Variants in CNOT1 observed in about 807,000 individuals in gnomAD.
The protein encoded by CNOT1 is CCR4-associated factor 1.
CNOT1 carries 15 observed loss-of-function variants against 273.8 expected under a neutral mutation model. The ratio of observed to expected loss-of-function variants is 0.05; its 90% CI spans 0.04 to 0.08. The LOEUF is 0.08. CNOT1 is among the 10% of genes least tolerant of loss of function. The pLI, the probability that CNOT1 is intolerant of heterozygous loss-of-function variation, is 1.00. For missense variants in CNOT1, 1,644 were observed against 2,912.2 expected (o/e 0.56, Z 10.02); for synonymous variants, 1,022 against 1,005.5 (o/e 1.02, Z -0.31).
chr16:58,551,862 A>G, intron 22 of CNOT1, 43 bp from the exon 23 acceptor site: 1 of 1,607,890 alleles, frequency 6.2e-7, no homozygotes, highest in East Asian at 2.2e-5. Context: ...CTTAATTGCT[A>G]AGTCTGGATT....
intron 1 of CNOT1, among the ~76,000 whole-genome samples, chr16:58,622,601 C>A (rs1030714718): frequency 6.6e-6 from 1 of 152,036 alleles, no homozygotes; most frequent in Non-Finnish European, 1.5e-5. Flanking sequence ...AATCCCAACA[C>A]TTTGGGAGGC....
chr16:58,549,999 A>G, intron 24 of CNOT1, 101 bp from the exon 25 acceptor site: 2 of 1,518,660 alleles, frequency 1.3e-6, no homozygotes, highest in South Asian at 2.6e-5. Context: ...TCCTTGCAAA[A>G]CTAACTAGAT....
At chr16:58,602,139 G>A (rs2042489321) in intron 1 of CNOT1, among the ~76,000 whole-genome samples, 2 of 151,836 alleles carry the variant, frequency 1.3e-5, no homozygotes, top group African/African-American at 2.4e-5. Context: ...CACAATCTTG[G>A]CTCACTGCAA....
At position 58,547,452 on chromosome 16, in the gene CNOT1, G is replaced by A. The variant is rs183137899; in HGVS notation, c.3639+114C>T. 122 of 1,502,204 alleles carry A rather than the reference G, an allele frequency of 8.1e-5. 1 individual carries two copies. In the East Asian group the frequency reaches 1.6e-3, roughly 20 times the overall value. The allele number at this position is 1,502,204 out of a possible 1,614,324, so 93.1% of individuals were successfully genotyped here. A position where few individuals can be genotyped will look rare whatever the true frequency, so the allele number is the denominator to read the frequency against. On this transcript the variant is annotated intron_variant, in intron 26 of 48. Coordinates refer to ENST00000317147, the MANE Select transcript of CNOT1 (RefSeq NM_016284.5). The surrounding 1 kb of genome is among the most constrained non-coding windows in gnomAD (Gnocchi z 4.0). Reference sequence around the variant, plus strand: ...CAAAAAGGGGTTAACAACTCAAAACGTGGGCCAAAATCTTACAAAACCCCA... The same window carrying A: ...CAAAAAGGGGTTAACAACTCAAAACATGGGCCAAAATCTTACAAAACCCCA...
At chr16:58,558,337 G>T in intron 18 of CNOT1, 136 bp downstream of exon 18, 1 of 1,421,262 alleles carries the variant, frequency 7.0e-7, no homozygotes, top group Non-Finnish European at 9.4e-7. Context: ...TCCCAACTTT[G>T]GATACTGAAG....
intron 47 of CNOT1, 148 bp downstream of exon 47, chr16:58,523,222 G>A (rs1348467006): frequency 2.7e-6 from 2 of 743,386 alleles, no homozygotes; most frequent in Middle Eastern, 4.0e-4. Flanking sequence ...TGCAGACTGA[G>A]TGACAGAGCA....
At chr16:58,548,420 G>C in intron 25 of CNOT1, 1 of 456,472 alleles carries the variant, frequency 2.2e-6, no homozygotes. Flanking sequence ...ACATGGTCTT[G>C]AAACTTTGCT....
Position 58,614,712 on chromosome 16 carries a change from T to C in CNOT1, c.-175+15016A>G, listed in dbSNP as rs2043015979. Among the ~76,000 whole-genome samples, 4 of 125,038 alleles carry C rather than the reference T, an allele frequency of 3.2e-5. 1 individual carries two copies. The highest frequency in any genetic ancestry group is 1.1e-4 in the African/African-American group (4 of 37,114). The allele number at this position is 125,038 out of a possible 152,430, so 82.0% of individuals were successfully genotyped here. On this transcript the variant is annotated intron_variant, in intron 1 of 48. Transcript: ENST00000317147. ...TTTGCTATAGAAAAACACTTTTTAT[T>C]GTATTTTATTTTTTTGAGACGGGGT...
At chr16:58,587,742 GGA>G (rs752779944) in intron 4 of CNOT1, 36 bp downstream of exon 4, 65 of 1,599,796 alleles carry the variant, frequency 4.1e-5, no homozygotes, top group Non-Finnish European at 5.3e-5. Flanking sequence ...GAAAGCCTAA[GGA>G]GAGATCACAC....
At chr16:58,524,119 G>A (rs1471616421) in intron 46 of CNOT1, among the ~76,000 whole-genome samples, 10 of 151,770 alleles carry the variant, frequency 6.6e-5, no homozygotes, top group Non-Finnish European at 1.0e-4. Flanking sequence ...GCATGGTGGC[G>A]TGTGCCTGTA....
intron 22 of CNOT1, 89 bp downstream of exon 22, chr16:58,553,693 T>C (rs2040531967): frequency 1.4e-6 from 2 of 1,434,810 alleles, no homozygotes; most frequent in Non-Finnish European, 9.2e-7. Flanking sequence ...CTTAATGCCA[T>C]TACTATCAAG....
chr16:58,556,064 T>C (rs2040618960), intron 19 of CNOT1, among the ~76,000 whole-genome samples, 156 bp from the exon 20 acceptor site: 1 of 152,224 alleles, frequency 6.6e-6, no homozygotes, highest in African/African-American at 2.4e-5. Flanking sequence ...TATTAATGTG[T>C]GCTAGGGTAG....
At position 58,551,275 on chromosome 16, in the gene CNOT1, A is replaced by T. The variant is rs756715450; in HGVS notation, c.3202-3T>A. The T allele has an allele frequency of 2.4e-5, 10 of 416,946 alleles. No individual in the cohort carries two copies. Among genetic ancestry groups the T allele is most frequent in the Non-Finnish European group, 3.3e-5 (9 of 275,358 alleles). 25.8% of individuals were successfully genotyped at this position (416,946 alleles called of 1,614,324 possible). A position where few individuals can be genotyped will look rare whatever the true frequency, so the allele number is the denominator to read the frequency against. On this transcript the variant is annotated splice_region_variant and splice_polypyrimidine_tract_variant and intron_variant, in intron 23 of 48. Coordinates refer to ENST00000317147, the MANE Select transcript of CNOT1 (RefSeq NM_016284.5). ...ATATTTGTAGTATTAATAGAAGGCT[A>T]AAAAAAAAAAATAAAGTACATAAGG...
At chr16:58,544,226 A>G (rs2040185287) in intron 30 of CNOT1, among the ~76,000 whole-genome samples, 1 of 152,222 alleles carries the variant, frequency 6.6e-6, no homozygotes, top group African/African-American at 2.4e-5. Flanking sequence ...AGTGCTCTTA[A>G]AAGAAAGCAA....
intron 16 of CNOT1, among the ~76,000 whole-genome samples, chr16:58,573,061 C>G (rs1278092431): frequency 1.3e-5 from 2 of 151,840 alleles, no homozygotes; most frequent in Non-Finnish European, 2.9e-5. Context: ...AAGCCCAGCA[C>G]TTTGGGAGGC....
At chr16:58,621,522 C>G (rs2043315404) in intron 1 of CNOT1, among the ~76,000 whole-genome samples, 1 of 151,696 alleles carries the variant, frequency 6.6e-6, no homozygotes, top group African/African-American at 2.4e-5. Context: ...ATCCGCCCGC[C>G]TCGGCCTCCC....
At chr16:58,600,642 G>A (rs12925777) in intron 1 of CNOT1, among the ~76,000 whole-genome samples, 59,359 of 152,072 alleles carry the variant, frequency 0.39, 12,968 homozygotes, top group African/African-American at 0.59. Flanking sequence ...TGGCTGTACA[G>A]GTAAGGAACT....
At position 58,523,422 on chromosome 16, in the gene CNOT1, G is replaced by A. The variant is rs2039477927; in HGVS notation, c.6865C>T (p.Leu2289=). The change falls in exon 47 of 49, where the codon CTG becomes TTG. Residue 2289 remains leucine, a synonymous_variant. Transcript: ENST00000317147. ...SHTHYFSCTM[L]YLFAEANTEA... Reference sequence around the variant, plus strand: ...GTATTGGCCTCTGCAAAAAGGTACAGCATGGTGCAACTGAAGTAGTGAGTG... The same window carrying A: ...GTATTGGCCTCTGCAAAAAGGTACAACATGGTGCAACTGAAGTAGTGAGTG... 4 of 1,614,126 alleles carry A rather than the reference G, an allele frequency of 2.5e-6. No homozygotes were observed. Among genetic ancestry groups the A allele is most frequent in the Non-Finnish European group, 3.4e-6 (4 of 1,179,964 alleles).
intron 45 of CNOT1, 82 bp downstream of exon 45, chr16:58,525,907 C>A: frequency 8.4e-7 from 1 of 1,192,728 alleles, no homozygotes; most frequent in Non-Finnish European, 1.2e-6. Flanking sequence ...AGACTAACTC[C>A]CAAATGGACC....
Sources: gnomAD v4.1 joint callset for allele counts (sites outside exome capture counted in the v4.1 genomes callset) on GRCh38, gnomAD v4.1.1 for gene constraint, Gnocchi (gnomAD v3.1) non-coding constraint, MANE v1.5 for transcripts, NCBI Gene and HGNC (gene_info 2026-07-23, HGNC 2026-07-21) for gene names.